The following EEPD1 variants were observed in gnomAD, a reference collection of about 807,000 sequenced individuals.
The protein encoded by EEPD1 is endonuclease/exonuclease/phosphatase family domain-containing protein 1.
In EEPD1, 17 loss-of-function variants were observed where a neutral mutation model predicts 46.3. That is an observed-to-expected ratio of 0.37 (90% CI 0.25 to 0.55). The LOEUF (loss-of-function observed/expected upper bound fraction) is 0.55. EEPD1 is among the 20% of genes least tolerant of loss of function. EEPD1 has a pLI of 0.83. For missense variants in EEPD1, 673 were observed against 745.6 expected, an observed-to-expected ratio of 0.90 and a Z score of 1.13; for synonymous variants, 313 against 315.6, an observed-to-expected ratio of 0.99 and a Z score of 0.09.
Position 36,295,864 on chromosome 7 carries a change from C to G in EEPD1, c.1316-1129C>G, listed in dbSNP as rs151168805. On this transcript the variant is annotated intron_variant, in intron 6 of 7. Coordinates refer to ENST00000242108, the MANE Select transcript of EEPD1 (RefSeq NM_030636.3). ...TGGCCAACATGGTTAAGCCCTGTCT[C>G]TACTAAAAATACAAAAGTTAGCAAG... Among the ~76,000 whole-genome samples the G allele has an allele frequency of 3.2e-3, 480 of 151,998 alleles. 1 individual carries two copies. Among genetic ancestry groups the G allele is most frequent in the African/African-American group, 0.011 (451 of 41,456 alleles).
chr7:36,250,486 G>A (rs1286822148), intron 3 of EEPD1, among the ~76,000 whole-genome samples: 1 of 152,140 alleles, frequency 6.6e-6, no homozygotes, highest in Non-Finnish European at 1.5e-5. Flanking sequence ...GTCTGCAGGT[G>A]AAATCTGGCC....
At chr7:36,288,511 A>G (rs538673175) in intron 6 of EEPD1, among the ~76,000 whole-genome samples, 2 of 152,346 alleles carry the variant, frequency 1.3e-5, no homozygotes, top group South Asian at 4.1e-4. Flanking sequence ...CTGTAATCTC[A>G]GCACTTTGGG....
chr7:36,186,868 C>T (rs1785366004), intron 2 of EEPD1, among the ~76,000 whole-genome samples: 1 of 152,158 alleles, frequency 6.6e-6, no homozygotes, highest in Non-Finnish European at 1.5e-5. Flanking sequence ...ATTTTTGCCA[C>T]AACATGTGTT....
chr7:36,244,608 T>C (rs781725472), intron 3 of EEPD1, among the ~76,000 whole-genome samples: 3 of 152,092 alleles, frequency 2.0e-5, no homozygotes, highest in Non-Finnish European at 4.4e-5. Flanking sequence ...AGGTTCCCAA[T>C]TGGCAGAGCC....
chr7:36,209,541 C>G (rs184122162), intron 2 of EEPD1, among the ~76,000 whole-genome samples: 36 of 152,204 alleles, frequency 2.4e-4, no homozygotes, highest in Non-Finnish European at 3.5e-4. Flanking sequence ...TGCCAGTCAA[C>G]TTAGTGTGAA....
At chr7:36,290,336 A>C (rs1219189411) in intron 6 of EEPD1, among the ~76,000 whole-genome samples, 4 of 152,070 alleles carry the variant, frequency 2.6e-5, no homozygotes, top group Non-Finnish European at 5.9e-5. Flanking sequence ...GCCTTGACTC[A>C]TCCAAGTAGG....
chr7:36,157,634 T>G (rs548671636), intron 2 of EEPD1, among the ~76,000 whole-genome samples: 2 of 152,364 alleles, frequency 1.3e-5, no homozygotes, highest in Non-Finnish European at 2.9e-5. Flanking sequence ...ACATTCTCAC[T>G]CTTGGCCAAA....
intron 2 of EEPD1, among the ~76,000 whole-genome samples, chr7:36,173,195 G>A (rs939785061): frequency 6.6e-6 from 1 of 151,940 alleles, no homozygotes; most frequent in Non-Finnish European, 1.5e-5. Flanking sequence ...ATGATAGTGA[G>A]TGAGTTCTGA....
intron 2 of EEPD1, among the ~76,000 whole-genome samples, chr7:36,219,305 C>G (rs1030098721): frequency 1.3e-5 from 2 of 150,776 alleles, no homozygotes; most frequent in African/African-American, 4.9e-5. Flanking sequence ...GATGGCAAAG[C>G]CTAAACTCGT....
intron 3 of EEPD1, among the ~76,000 whole-genome samples, chr7:36,268,497 T>C (rs575702453): frequency 6.8e-4 from 103 of 152,224 alleles, no homozygotes; most frequent in South Asian, 2.3e-3. Flanking sequence ...ATGAGTCCAT[T>C]CTCCTCACCA....
At chr7:36,210,718 TTGC>T (rs1363697659) in intron 2 of EEPD1, among the ~76,000 whole-genome samples, 3 of 152,090 alleles carry the variant, frequency 2.0e-5, no homozygotes, top group Admixed American at 6.5e-5. Context: ...ACCTGCGCAT[TTGC>T]TGCTGCCTCC....
Position 36,225,544 on chromosome 7 carries a change from G to A in EEPD1, c.879-13441G>A, listed in dbSNP as rs1441649689. ...CCTGGGAATAATAAAGAATAACAACGATAAGAGGGGGACAAGCATTTCATC... is the reference window on the plus strand; with the variant it reads ...CCTGGGAATAATAAAGAATAACAACAATAAGAGGGGGACAAGCATTTCATC... On this transcript the variant is annotated intron_variant, in intron 2 of 7. Transcript: ENST00000242108. This position sits in a 1 kb window ranked among gnomAD's most constrained non-coding sequence, Gnocchi z 4.2. Among the ~76,000 whole-genome samples the A allele has an allele frequency of 2.0e-5, 3 of 152,116 alleles. No individual in the cohort carries two copies. The highest frequency in any genetic ancestry group is 1.3e-4 in the Admixed American group (2 of 15,262).
chr7:36,201,366 G>T (rs1785709797), intron 2 of EEPD1, among the ~76,000 whole-genome samples: 1 of 152,182 alleles, frequency 6.6e-6, no homozygotes, highest in African/African-American at 2.4e-5. Context: ...TTTTGTAGGA[G>T]GTTAACTTTG....
chr7:36,231,022 A>G (rs938945555), intron 2 of EEPD1: 1 of 152,200 alleles, frequency 6.6e-6, no homozygotes, highest in African/African-American at 2.4e-5. Context: ...GTTATAATCT[A>G]TTCTGGAAGC....
chr7:36,299,385 G>C lies in EEPD1; in HGVS notation c.*179G>C. The C allele has an allele frequency of 1.3e-6, 1 of 770,300 alleles. No homozygotes were observed. The highest frequency in any genetic ancestry group is 2.0e-6 in the Non-Finnish European group (1 of 492,660). 47.7% of individuals were successfully genotyped at this position (770,300 alleles called of 1,614,324 possible). ...ATTCAGGACCTCCAGTGGGGGTGGC[G>C]TGCCAGGCGCGTACCCCACCAGGTG... On this transcript the variant is annotated 3_prime_UTR_variant, in exon 8 of 8. Transcript: ENST00000242108.
Position 36,299,297 on chromosome 7 carries a change from T to C in EEPD1, c.*91T>C. 1.4e-6 allele frequency: 2 copies of C among 1,396,890 alleles called. No homozygotes were observed. The highest frequency in any genetic ancestry group is 2.2e-5 in the Admixed American group (1 of 44,984). The allele number at this position is 1,396,890 out of a possible 1,614,324, so 86.5% of individuals were successfully genotyped here. A position where few individuals can be genotyped will look rare whatever the true frequency, so the allele number is the denominator to read the frequency against. On this transcript the variant is annotated 3_prime_UTR_variant, in exon 8 of 8. Coordinates refer to ENST00000242108, the MANE Select transcript of EEPD1 (RefSeq NM_030636.3). The stretch of plus-strand genomic sequence containing the variant: ...GGTGACGCTTCAGGGCAGAGCTGCC[T>C]TTTAATTTTTATTCTCAGAGCATCA...
intron 3 of EEPD1, among the ~76,000 whole-genome samples, chr7:36,250,225 AG>A (rs1264457616): frequency 6.6e-6 from 1 of 152,244 alleles, no homozygotes; most frequent in Non-Finnish European, 1.5e-5. Flanking sequence ...CTGCCTCAAA[AG>A]AAAAAAAAAT....
chr7:36,285,494 G>A (rs983018912), intron 5 of EEPD1, among the ~76,000 whole-genome samples: 2 of 152,134 alleles, frequency 1.3e-5, no homozygotes, highest in African/African-American at 4.8e-5. Flanking sequence ...CAGATTGATC[G>A]AGCGCAGTCT....
chr7:36,171,201 G>A (rs888987608), intron 2 of EEPD1, among the ~76,000 whole-genome samples: 1 of 152,144 alleles, frequency 6.6e-6, no homozygotes, highest in Non-Finnish European at 1.5e-5. Context: ...GAGATTACAG[G>A]CATGAGCCAC....
Sources: allele counts gnomAD v4.1 joint callset (sites outside exome capture counted in the v4.1 genomes callset), GRCh38; gene constraint gnomAD v4.1.1; non-coding constraint Gnocchi (gnomAD v3.1); transcripts MANE v1.5; gene names NCBI Gene and HGNC (gene_info 2026-07-23, HGNC 2026-07-21).